The following PISD variants were observed in gnomAD, a reference collection of about 807,000 sequenced individuals.
PISD encodes the protein phosphatidylserine decarboxylase proenzyme, mitochondrial.
Under a neutral mutation model 43.5 loss-of-function variants are expected in PISD, and 31 were observed. The observed-to-expected ratio is 0.71, with a 90% CI of 0.54 to 0.96. PISD has a LOEUF of 0.96. PISD is among the 40% of genes least tolerant of loss of function. The pLI, the probability that PISD is intolerant of heterozygous loss-of-function variation, is 0.00. For synonymous variants in PISD, 259 were observed against 228.7 expected (o/e 1.13, Z -1.20); for missense variants, 523 against 548.4 (o/e 0.95, Z 0.46).
chr22:31,625,975 T>C (rs928607901), intron 3 of PISD: 5 of 1,469,676 alleles, frequency 3.4e-6, no homozygotes, highest in East Asian at 5.0e-5. Context: ...TGGGTTTGGT[T>C]CAGTCTCGGT....
intron 3 of PISD, among the ~76,000 whole-genome samples, chr22:31,633,321 A>C (rs369475859): frequency 1.3e-5 from 2 of 152,292 alleles, no homozygotes; most frequent in East Asian, 3.9e-4. Flanking sequence ...GATCTCTGGG[A>C]TTCTCACACT....
chr22:31,648,781 T>C (rs1363067575), intron 2 of PISD, among the ~76,000 whole-genome samples: 1 of 152,030 alleles, frequency 6.6e-6, no homozygotes, highest in African/African-American at 2.4e-5. Context: ...ATTCTGTCAG[T>C]ACGTACAGGA....
At chr22:31,644,474 C>T (rs1265184034) in intron 3 of PISD, among the ~76,000 whole-genome samples, 2 of 151,986 alleles carry the variant, frequency 1.3e-5, no homozygotes, top group Non-Finnish European at 2.9e-5. Context: ...CTCCTGACCT[C>T]GTGATCCGCC....
intron 2 of PISD, among the ~76,000 whole-genome samples, chr22:31,649,711 G>A (rs947607944): frequency 6.6e-6 from 1 of 151,948 alleles, no homozygotes; most frequent in Non-Finnish European, 1.5e-5. Context: ...CAGCCTGGGC[G>A]ACAGAGCGAG....
intron 3 of PISD, chr22:31,625,760 C>A (rs1167150678): frequency 6.3e-7 from 1 of 1,584,648 alleles, no homozygotes; most frequent in Admixed American, 1.8e-5. Context: ...GGCAGCATCT[C>A]ACCATTTCGC....
intron 3 of PISD, chr22:31,625,837 G>A (rs1569483127): frequency 3.1e-6 from 5 of 1,591,202 alleles, no homozygotes; most frequent in Non-Finnish European, 4.3e-6. Flanking sequence ...GGGAGGGCGG[G>A]GCGAGGCTCA....
chr22:31,657,624 G>C (rs112673900), intron 1 of PISD, among the ~76,000 whole-genome samples: 1 of 151,896 alleles, frequency 6.6e-6, no homozygotes, highest in African/African-American at 2.4e-5. Flanking sequence ...CCAGGTTCAA[G>C]GAATTCTCCT....
At chr22:31,645,313 G>A (rs1164321234) in intron 3 of PISD, among the ~76,000 whole-genome samples, 1 of 151,968 alleles carries the variant, frequency 6.6e-6, no homozygotes, top group East Asian at 2.0e-4. Context: ...GCTGAGGTGG[G>A]AGGATGGCTT....
intron 3 of PISD, among the ~76,000 whole-genome samples, chr22:31,640,049 A>C (rs2073643877): frequency 6.6e-6 from 1 of 152,062 alleles, no homozygotes; most frequent in Non-Finnish European, 1.5e-5. Context: ...TGAATCAGGG[A>C]CTCAAGGGAA....
chr22:31,636,474 T>C (rs919592481), intron 3 of PISD, among the ~76,000 whole-genome samples: 1 of 152,174 alleles, frequency 6.6e-6, no homozygotes, highest in Non-Finnish European at 1.5e-5. Context: ...GCGATTCTCC[T>C]GCCTCAGCCT....
chr22:31,658,851 TTTTC>T (rs2037218808), intron 1 of PISD, among the ~76,000 whole-genome samples: 1 of 148,658 alleles, frequency 6.7e-6, no homozygotes, highest in Non-Finnish European at 1.5e-5. Context: ...TATTTTTTCT[TTTTC>T]TTTTTTTTTT....
chr22:31,652,369 G>T (rs2074051279), intron 1 of PISD, among the ~76,000 whole-genome samples: 1 of 151,814 alleles, frequency 6.6e-6, no homozygotes, highest in African/African-American at 2.4e-5. Context: ...GACCTCAAGT[G>T]ATCCACCTGC....
In PISD at chr22:31,619,675, G is replaced by T; in HGVS notation, c.1167C>A (p.Asp389Glu). 1 of 1,614,240 alleles carries T rather than the reference G, an allele frequency of 6.2e-7. No individual in the cohort carries two copies. The highest frequency in any genetic ancestry group is 8.5e-7 in the Non-Finnish European group (1 of 1,180,040). ...GTCCTGTTTTCAGCTGGAAATTGAAGTCCTTGGGGGCCTCGAAGATGAGCA... is the reference window on the plus strand; with the variant it reads ...GTCCTGTTTTCAGCTGGAAATTGAATTCCTTGGGGGCCTCGAAGATGAGCA... ...TIVLIFEAPK[D>E]FNFQLKTGQK... The change falls in exon 8 of 8, where the codon GAC becomes GAA. Residue 389 changes from aspartate to glutamate, a missense_variant. Asp to Glu is a conservative substitution (Grantham distance 45). Transcript: ENST00000439502.
At position 31,662,144 on chromosome 22, in the gene PISD, C is replaced by A. The variant is rs775307712; in HGVS notation, c.65G>T (p.Ser22Ile). 1.4e-5 allele frequency: 22 copies of A among 1,607,628 alleles called. No homozygotes were observed. The Admixed American group carries it at 3.0e-4, about 22-fold the overall frequency. Residue 22 changes from serine (S) to isoleucine (I), a missense_variant and splice_region_variant, in exon 1 of 8, where the codon AGC (serine) becomes ATC (isoleucine). Ser to Ile is a moderately radical substitution (Grantham distance 142, BLOSUM62 -2). Transcript: ENST00000439502. ...AGGTAGTCTCTCCGCGCTGCTATAC[C>A]TGCTCCGCCACGGCGCGACCCCGTG... is the stretch of plus-strand genomic sequence containing the variant. ...LLHGVAPWRS[S>I]LHPCEITALS...
At chr22:31,657,354 C>T (rs1411118416) in intron 1 of PISD, among the ~76,000 whole-genome samples, 1 of 152,052 alleles carries the variant, frequency 6.6e-6, no homozygotes, top group Admixed American at 6.6e-5. Context: ...CCAGACTGAT[C>T]TTGAACTCCT....
chr22:31,621,459 T>C lies in PISD; in HGVS notation c.572A>G (p.Asp191Gly). 1 of 1,614,052 alleles carries C rather than the reference T, an allele frequency of 6.2e-7. No homozygotes were observed. Reference protein sequence around the residue: ...CGLHSVISPSDGRILNFGQVK... With the variant: ...CGLHSVISPSGGRILNFGQVK... ...CTGCCCAAAGTTGAGGATCCTTCCA[T>C]CCGATGGGCTAATCTGGAAGGGCAG... The change falls in exon 5 of 8, where the codon GAT (aspartate) becomes GGT (glycine). Residue 191 changes from aspartate to glycine, a missense_variant. Transcript: ENST00000439502.
At chr22:31,620,756 G>T in intron 6 of PISD, 43 bp from the exon 7 acceptor site, 1 of 1,609,428 alleles carries the variant, frequency 6.2e-7, no homozygotes, top group South Asian at 1.1e-5. Context: ...CCAGAGCCCG[G>T]TGTGTCCACC....
At chr22:31,629,483 G>A (rs573419305) in intron 3 of PISD, among the ~76,000 whole-genome samples, 3 of 150,982 alleles carry the variant, frequency 2.0e-5, no homozygotes, top group East Asian at 2.0e-4. Context: ...AGGCATGTGC[G>A]TAGGTGTGAG....
intron 2 of PISD, among the ~76,000 whole-genome samples, chr22:31,649,508 C>A (rs951440213): frequency 2.0e-5 from 3 of 151,950 alleles, no homozygotes; most frequent in African/African-American, 7.3e-5. Context: ...CCGAGGCAGG[C>A]GGATCACGAG....
Sources: gnomAD v4.1 joint callset for allele counts (sites outside exome capture counted in the v4.1 genomes callset) on GRCh38, gnomAD v4.1.1 for gene constraint, MANE v1.5 for transcripts, NCBI Gene and HGNC (gene_info 2026-07-23, HGNC 2026-07-21) for gene names.